LAMB4: variants seen among roughly 807,000 people sequenced by gnomAD.
LAMB4 encodes laminin subunit beta 4.
Under a neutral mutation model 199.2 loss-of-function variants are expected in LAMB4, and 196 were observed. The observed-to-expected ratio is 0.98, with a 90% CI of 0.88 to 1.11. LAMB4 has a LOEUF of 1.11. LAMB4 is among the 50% of genes least tolerant of loss of function. The pLI is 0.00. For missense variants in LAMB4, 2,080 were observed against 2,171.2 expected (o/e 0.96, Z 0.83); for synonymous variants, 744 against 770.6 (o/e 0.97, Z 0.57).
At chr7:108,079,817 G>A (rs1419593630) in intron 14 of LAMB4, 31 bp from the exon 15 acceptor site, 1 of 1,522,148 alleles carries the variant, frequency 6.6e-7, no homozygotes, top group Admixed American at 2.1e-5. Flanking sequence ...AAATAGCTTT[G>A]CCTACAGTCA....
intron 2 of LAMB4, 21 bp from the exon 3 acceptor site, chr7:108,116,182 C>T: frequency 6.2e-7 from 1 of 1,606,192 alleles, no homozygotes; most frequent in Non-Finnish European, 8.5e-7. Context: ...ACAGAAATAG[C>T]TTACACGGAA....
At chr7:108,086,296 C>G (rs2037173845) in intron 14 of LAMB4, among the ~76,000 whole-genome samples, 1 of 152,170 alleles carries the variant, frequency 6.6e-6, no homozygotes, top group Non-Finnish European at 1.5e-5. Flanking sequence ...CCTGCCTCCC[C>G]CTTTCTCATT....
At chr7:108,128,698 A>G (rs1333690819) in intron 1 of LAMB4, among the ~76,000 whole-genome samples, 4 of 152,166 alleles carry the variant, frequency 2.6e-5, no homozygotes, top group African/African-American at 9.7e-5. Flanking sequence ...ATACAGCGCA[A>G]TATCAGAAAA....
At chr7:108,090,213 T>C (rs990164016) in intron 14 of LAMB4, among the ~76,000 whole-genome samples, 3 of 152,240 alleles carry the variant, frequency 2.0e-5, no homozygotes, top group Non-Finnish European at 4.4e-5. Context: ...AAGCATACCA[T>C]GAAATTTCAT....
At chr7:108,013,492 C>T in the LAMB4 span, among the ~76,000 whole-genome samples, 1 of 152,236 alleles carries the variant, frequency 6.6e-6, no homozygotes, top group African/African-American at 2.4e-5. Context: ...TAAATGTGTT[C>T]AGTGACTGCT....
At chr7:108,043,611 GCT>G (rs1444989802) in intron 29 of LAMB4, 139 bp downstream of exon 29, 1 of 77,932 alleles carries the variant, frequency 1.3e-5, no homozygotes, top group Non-Finnish European at 1.9e-5. Context: ...ACGGAGTCTC[GCT>G]CTGTCGCCCA....
rs2038013234 is a variant in LAMB4 at position 108,106,432 on chromosome 7, A to AG, written c.655+76dup. 5.8e-6 allele frequency: 5 copies of AG among 858,750 alleles called. No individual in the cohort carries two copies. In the Admixed American group the frequency reaches 1.2e-4, roughly 21 times the overall value. The allele number at this position is 858,750 out of a possible 1,614,324, so 53.2% of individuals were successfully genotyped here. ...GACTCCGTCTCAAGAAAAAAAAAAA[A>AG]GAAAAGCAATTACAAGGAATATGCC... On this transcript the variant is annotated intron_variant, in intron 7 of 33. Transcript: ENST00000388781.
intron 28 of LAMB4, among the ~76,000 whole-genome samples, chr7:108,044,967 AAAAAAAAG>A (rs2035567408): frequency 2.0e-5 from 3 of 147,674 alleles, no homozygotes; most frequent in African/African-American, 7.9e-5. Context: ...AAAAAAAAAA[AAAAAAAAG>A]AAAAGAAAAG....
chr7:108,030,910 C>T lies in LAMB4; in HGVS notation c.4888G>A (p.Gly1630Arg), dbSNP rs765347001. The change falls in exon 32 of 34, where the codon GGA becomes AGA. Residue 1630 changes from glycine (G) to arginine (R), a missense_variant. Coordinates refer to ENST00000388781, the MANE Select transcript of LAMB4 (RefSeq NM_007356.3). ...LAKQRSGLED[G>R]LSLLQTKLQR... is the part of the protein sequence containing the mutation. ...AACTTGGTCTGCAGCAGGGAAAGTC[C>T]ATCCTCCAGCCCTGATCGCTGCTTT... 6.2e-7 allele frequency: 1 copy of T among 1,614,054 alleles called. No homozygotes were observed. Among genetic ancestry groups the T allele is most frequent in the East Asian group, 2.2e-5 (1 of 44,878 alleles).
intron 17 of LAMB4, 83 bp downstream of exon 17, chr7:108,076,860 GA>G: frequency 6.9e-7 from 1 of 1,448,954 alleles, no homozygotes. Context: ...CATTTTTAAA[GA>G]AATATTTCAC....
rs562424401 is a variant in LAMB4 at position 108,074,032 on chromosome 7, T to C, written c.2124+2912A>G. Among the ~76,000 whole-genome samples, 67 of 152,278 alleles carry C rather than the reference T, an allele frequency of 4.4e-4. 1 individual carries two copies. In the South Asian group the frequency reaches 0.014, roughly 31 times the overall value. ...TTGCATCCAGGGAGGTTCAACTGTG[T>C]GGTGCAATCCAGGCTCCAGAGCTCC... On this transcript the variant is annotated intron_variant, in intron 17 of 33. Coordinates refer to ENST00000388781, the MANE Select transcript of LAMB4 (RefSeq NM_007356.3).
intron 14 of LAMB4, among the ~76,000 whole-genome samples, chr7:108,087,418 G>A (rs1201927402): frequency 6.6e-6 from 1 of 152,198 alleles, no homozygotes; most frequent in Non-Finnish European, 1.5e-5. Context: ...ACTCATTTGT[G>A]CATATGCACA....
At chr7:108,121,873 A>T (rs555701802) in intron 2 of LAMB4, among the ~76,000 whole-genome samples, 1 of 152,298 alleles carries the variant, frequency 6.6e-6, no homozygotes, top group African/African-American at 2.4e-5. Flanking sequence ...AGAAGATAAA[A>T]CTAAGTGTTT....
chr7:108,098,364 G>A, intron 11 of LAMB4, 39 bp downstream of exon 11: 3 of 1,550,040 alleles, frequency 1.9e-6, no homozygotes, highest in East Asian at 2.3e-5. Context: ...CCACATAGGG[G>A]TTGATGGACA....
chr7:108,084,471 G>A (rs1405830782), intron 14 of LAMB4, among the ~76,000 whole-genome samples: 2 of 151,596 alleles, frequency 1.3e-5, no homozygotes, highest in Non-Finnish European at 2.9e-5. Context: ...AACTTGTTCT[G>A]TAAGTGAAAT....
At position 108,070,515 on chromosome 7, in the gene LAMB4, C is replaced by T. The variant is rs546087731; in HGVS notation, c.2125-630G>A. On this transcript the variant is annotated intron_variant, in intron 17 of 33. Transcript: ENST00000388781. ...GCCAAGCCCTCCTCTTCCTCCTCCT[C>T]CTCAGCCTACTCAGCGTGAAGATGA... Among the ~76,000 whole-genome samples, 6 of 152,334 alleles carry T rather than the reference C, an allele frequency of 3.9e-5. No individual in the cohort carries two copies. In the South Asian group the frequency reaches 1.2e-3, roughly 32 times the overall value.
chr7:108,051,415 C>G (rs2035823916), intron 26 of LAMB4, among the ~76,000 whole-genome samples: 1 of 152,098 alleles, frequency 6.6e-6, no homozygotes, highest in South Asian at 2.1e-4. Flanking sequence ...ATCTGTCTCT[C>G]AATTGGATGG....
chr7:108,052,749 A>G (rs939221707), intron 25 of LAMB4, among the ~76,000 whole-genome samples: 2 of 152,128 alleles, frequency 1.3e-5, no homozygotes, highest in Non-Finnish European at 2.9e-5. Context: ...CTTATTTTCC[A>G]TTAGTGACAG....
Position 108,029,214 on chromosome 7 carries a change from T to C in LAMB4, c.4993-18A>G. 6.2e-7 allele frequency: 1 copy of C among 1,606,598 alleles called. No homozygotes were observed. Among genetic ancestry groups the C allele is most frequent in the Non-Finnish European group, 8.5e-7 (1 of 1,176,696 alleles). ...ACAAATTCCTGTAACAAGCAACACT[T>C]GCATCATGAGAAAATATGTATAAAG... On this transcript the variant is annotated intron_variant, in intron 32 of 33. Coordinates refer to ENST00000388781, the MANE Select transcript of LAMB4 (RefSeq NM_007356.3).
Sources: allele counts gnomAD v4.1 joint callset (sites outside exome capture counted in the v4.1 genomes callset), GRCh38; gene constraint gnomAD v4.1.1; transcripts MANE v1.5; gene names NCBI Gene and HGNC (gene_info 2026-07-23, HGNC 2026-07-21).